The following MGAT4C variants were observed in gnomAD, a reference collection of about 807,000 sequenced individuals.
The protein encoded by MGAT4C is alpha-1,3-mannosyl-glycoprotein 4-beta-N-acetylglucosaminyltransferase C.
In MGAT4C, 19 loss-of-function variants were observed where a neutral mutation model predicts 40.1. That is an observed-to-expected ratio of 0.47 (90% CI 0.33 to 0.70). The LOEUF (loss-of-function observed/expected upper bound fraction) is 0.70. MGAT4C is among the 30% of genes least tolerant of loss of function. MGAT4C has a pLI of 0.02. For synonymous variants in MGAT4C, 181 were observed against 187.1 expected (o/e 0.97, Z 0.27); for missense variants, 491 against 563.2 (o/e 0.87, Z 1.30).
At chr12:86,660,812 C>A (rs1485509619) in intron 2 of MGAT4C, among the ~76,000 whole-genome samples, 4 of 152,118 alleles carry the variant, frequency 2.6e-5, no homozygotes, top group Non-Finnish European at 4.4e-5. Context: ...ATTCTATATA[C>A]CATCTTTTTC....
intron 2 of MGAT4C, among the ~76,000 whole-genome samples, chr12:86,570,129 T>TA: frequency 6.6e-6 from 1 of 152,166 alleles, no homozygotes; most frequent in African/African-American, 2.4e-5. Flanking sequence ...AGACCTATTG[T>TA]AACTAACAAT....
At chr12:86,440,500 T>G (rs760456787) in intron 2 of MGAT4C, among the ~76,000 whole-genome samples, 1 of 151,996 alleles carries the variant, frequency 6.6e-6, no homozygotes, top group Non-Finnish European at 1.5e-5. Context: ...AAAACATGTA[T>G]GACAAACCCA....
At chr12:86,109,882 A>G (rs557322902) in intron 1 of MGAT4C, among the ~76,000 whole-genome samples, 5 of 151,932 alleles carry the variant, frequency 3.3e-5, no homozygotes, top group Admixed American at 1.3e-4. Flanking sequence ...GGAAAGAGAC[A>G]GGACCTCTGG....
At chr12:86,414,386 A>C (rs1956664754) in intron 3 of MGAT4C, among the ~76,000 whole-genome samples, 1 of 152,184 alleles carries the variant, frequency 6.6e-6, no homozygotes, top group African/African-American at 2.4e-5. Flanking sequence ...AATAGTGTTT[A>C]CAATATTATG....
intron 2 of MGAT4C, among the ~76,000 whole-genome samples, chr12:86,485,954 T>C (rs1592904672): frequency 6.6e-6 from 1 of 152,052 alleles, no homozygotes; most frequent in Admixed American, 6.6e-5. Flanking sequence ...ATTCCAACCA[T>C]AAATTTTATA....
At chr12:86,574,108 C>A (rs1467928907) in intron 2 of MGAT4C, among the ~76,000 whole-genome samples, 1 of 151,496 alleles carries the variant, frequency 6.6e-6, no homozygotes, top group Admixed American at 6.6e-5. Flanking sequence ...ATTCCCCTAC[C>A]CCTCTAAATG....
chr12:86,707,607 T>C lies in MGAT4C; in HGVS notation c.-229+19602A>G, dbSNP rs565151975. On this transcript the variant is annotated intron_variant, in intron 2 of 7. Coordinates refer to the MGAT4C transcript ENST00000548651. The stretch of plus-strand genomic sequence containing the variant: ...GTGCAGTGGCACAATCACAGCTCAC[T>C]GCAACCTCCGCCTCCCAGATTCAAG... 2.6e-5 allele frequency among the ~76,000 whole-genome samples: 4 copies of C among 151,898 alleles called. No homozygotes were observed. In the South Asian group the frequency reaches 8.3e-4, roughly 32 times the overall value.
intron 2 of MGAT4C, among the ~76,000 whole-genome samples, chr12:86,495,690 C>A (rs1004816890): frequency 3.6e-4 from 54 of 151,938 alleles, no homozygotes; most frequent in African/African-American, 1.3e-3. Context: ...CCTAATTATC[C>A]CATAGAACTG....
chr12:86,498,219 T>G (rs1249664271), intron 2 of MGAT4C, among the ~76,000 whole-genome samples: 2 of 151,644 alleles, frequency 1.3e-5, no homozygotes, highest in East Asian at 3.9e-4. Context: ...AAAAAGTCCC[T>G]GATTATGGCA....
intron 1 of MGAT4C, among the ~76,000 whole-genome samples, chr12:86,834,181 GATATAGATA>G (rs1952990230): frequency 1.9e-5 from 1 of 53,348 alleles, no homozygotes; most frequent in Non-Finnish European, 4.7e-5. Context: ...GATAGATATA[GATATAGATA>G]TAGATATAGA....
chr12:86,650,762 T>G (rs1047800990), intron 2 of MGAT4C, among the ~76,000 whole-genome samples: 11 of 151,940 alleles, frequency 7.2e-5, no homozygotes, highest in African/African-American at 2.7e-4. Context: ...GGGATTGGTT[T>G]ATTACTGCTT....
chr12:86,286,131 C>T (rs1019648482), intron 4 of MGAT4C, among the ~76,000 whole-genome samples: 2 of 151,786 alleles, frequency 1.3e-5, no homozygotes, highest in African/African-American at 4.8e-5. Flanking sequence ...TTCTTGTATC[C>T]TTTTCTTGTC....
rs911174056 is a variant in MGAT4C, at chr12:85,972,348, A to G, written c.*6941T>C. 1 of 151,150 alleles carries G rather than the reference A, an allele frequency of 6.6e-6. No homozygotes were observed. The highest frequency in any genetic ancestry group is 2.4e-5 in the African/African-American group (1 of 41,342). 9.4% of individuals were successfully genotyped at this position (151,150 alleles called of 1,614,324 possible). ...TGTACTTCTACACACAGCTAAGCTT[A>G]TAGATATTTTCATTTAAAGAAAAAC... On this transcript the variant is annotated 3_prime_UTR_variant, in exon 5 of 5. Coordinates refer to ENST00000611864, the MANE Select transcript of MGAT4C (RefSeq NM_001351288.2).
At chr12:86,651,672 C>T (rs187440994) in intron 2 of MGAT4C, among the ~76,000 whole-genome samples, 236 of 151,830 alleles carry the variant, frequency 1.6e-3, no homozygotes, top group African/African-American at 5.4e-3. Flanking sequence ...ATCTTTCTAG[C>T]GTAGCTTCCA....
chr12:86,025,219 A>G (rs973345023), intron 2 of MGAT4C, among the ~76,000 whole-genome samples: 4 of 151,668 alleles, frequency 2.6e-5, no homozygotes, highest in African/African-American at 9.7e-5. Context: ...GAAATAAGTT[A>G]TGGTTTGAGA....
intron 3 of MGAT4C, among the ~76,000 whole-genome samples, chr12:86,369,104 T>G (rs1168717716): frequency 6.6e-6 from 1 of 152,034 alleles, no homozygotes; most frequent in Non-Finnish European, 1.5e-5. Flanking sequence ...GCCATTTTTA[T>G]TATTATGTAA....
intron 3 of MGAT4C, among the ~76,000 whole-genome samples, chr12:86,362,837 C>T (rs916988147): frequency 2.2e-5 from 3 of 136,276 alleles, no homozygotes; most frequent in African/African-American, 8.3e-5. Flanking sequence ...GCTGCACTCC[C>T]GCCTGGGTGA....
chr12:86,317,512 A>G (rs1369461513), intron 4 of MGAT4C, among the ~76,000 whole-genome samples: 1 of 152,160 alleles, frequency 6.6e-6, no homozygotes. Context: ...AAAAATATAA[A>G]AATACACAGG....
At chr12:86,626,445 T>G (rs759874097) in intron 2 of MGAT4C, among the ~76,000 whole-genome samples, 17 of 152,196 alleles carry the variant, frequency 1.1e-4, no homozygotes, top group Non-Finnish European at 2.5e-4. Flanking sequence ...ACAACCTTAA[T>G]ATGTTCTGAT....
Sources: gnomAD v4.1 joint callset for allele counts (sites outside exome capture counted in the v4.1 genomes callset) on GRCh38, gnomAD v4.1.1 for gene constraint, MANE v1.5 for transcripts, NCBI Gene and HGNC (gene_info 2026-07-23, HGNC 2026-07-21) for gene names.